The following QTMAN variants were observed in gnomAD, a reference collection of about 807,000 sequenced individuals.
The protein encoded by QTMAN is tRNA-queuosine alpha-mannosyltransferase.
At chr2:144,127,484 T>C in the QTMAN span, among the ~76,000 whole-genome samples, 2 of 152,046 alleles carry the variant, frequency 1.3e-5, no homozygotes, top group Admixed American at 6.6e-5. Flanking sequence ...AAGAACACAC[T>C]GACAAAACAT....
the QTMAN span, among the ~76,000 whole-genome samples, chr2:144,133,734 AATCT>A: frequency 6.7e-6 from 1 of 150,138 alleles, no homozygotes; most frequent in Admixed American, 6.7e-5. Context: ...ACATTAGAAT[AATCT>A]ATCAAAAGTT....
chr2:144,273,633 C>T, the QTMAN span, among the ~76,000 whole-genome samples: 20 of 152,170 alleles, frequency 1.3e-4, no homozygotes, highest in African/African-American at 4.6e-4. Context: ...GAACACACAC[C>T]AATGCTGAAA....
the QTMAN span, among the ~76,000 whole-genome samples, chr2:143,958,530 T>C: frequency 6.6e-6 from 1 of 152,114 alleles, no homozygotes; most frequent in East Asian, 1.9e-4. Flanking sequence ...TCAACCTAAA[T>C]TGAGTGCAGT....
the QTMAN span, among the ~76,000 whole-genome samples, chr2:143,971,468 T>A: frequency 1.3e-4 from 20 of 152,290 alleles, no homozygotes; most frequent in Admixed American, 7.2e-4. Context: ...ATGGATTATT[T>A]TTTTTTGTTT....
chr2:144,160,089 G>A, the QTMAN span, among the ~76,000 whole-genome samples: 2 of 152,092 alleles, frequency 1.3e-5, no homozygotes, highest in African/African-American at 4.8e-5. Flanking sequence ...AAAGTCTGAA[G>A]AAATGTAGTA....
At chr2:144,199,360 T>A in the QTMAN span, among the ~76,000 whole-genome samples, 7 of 152,192 alleles carry the variant, frequency 4.6e-5, no homozygotes, top group Admixed American at 1.3e-4. Context: ...TCTACTGAAC[T>A]TCTTTAGTGA....
chr2:144,295,815 T>A, the QTMAN span, among the ~76,000 whole-genome samples: 1 of 151,994 alleles, frequency 6.6e-6, no homozygotes, highest in Admixed American at 6.6e-5. Context: ...GATCTCACTA[T>A]GTTGCCCAGG....
the QTMAN span, chr2:144,317,431 A>AAGGG: frequency 5.9e-5 from 9 of 151,718 alleles, no homozygotes; most frequent in Middle Eastern, 3.4e-3. Context: ...GGAAGGAAGG[A>AAGGG]AGGGACAATA....
At chr2:144,282,746 G>A in the QTMAN span, among the ~76,000 whole-genome samples, 3 of 151,926 alleles carry the variant, frequency 2.0e-5, no homozygotes, top group East Asian at 1.9e-4. Context: ...TTTTTCTAAT[G>A]AGGCAACTCT....
At chr2:144,254,255 C>T in the QTMAN span, among the ~76,000 whole-genome samples, 1 of 152,154 alleles carries the variant, frequency 6.6e-6, no homozygotes, top group Non-Finnish European at 1.5e-5. Flanking sequence ...AACCCCATCT[C>T]TACTAAAAAT....
chr2:144,075,443 C>T, the QTMAN span, among the ~76,000 whole-genome samples: 1 of 152,154 alleles, frequency 6.6e-6, no homozygotes, highest in Non-Finnish European at 1.5e-5. Context: ...CAAGTATTGG[C>T]TCCTTGGATG....
chr2:144,240,278 T>C, the QTMAN span, among the ~76,000 whole-genome samples: 1 of 152,256 alleles, frequency 6.6e-6, no homozygotes, highest in East Asian at 1.9e-4. Flanking sequence ...ATTTATAATT[T>C]CATTGCTTAA....
At chr2:144,053,186 A>C in the QTMAN span, among the ~76,000 whole-genome samples, 1 of 152,268 alleles carries the variant, frequency 6.6e-6, no homozygotes, top group South Asian at 2.1e-4. Flanking sequence ...AACATTAAAA[A>C]GAACTACCCA....
the QTMAN span, among the ~76,000 whole-genome samples, chr2:144,068,967 T>A: frequency 6.6e-6 from 1 of 152,144 alleles, no homozygotes; most frequent in Non-Finnish European, 1.5e-5. Flanking sequence ...AATATAGCGG[T>A]TTATCTTTGA....
At chr2:144,062,334 G>A in the QTMAN span, among the ~76,000 whole-genome samples, 1 of 152,178 alleles carries the variant, frequency 6.6e-6, no homozygotes, top group African/African-American at 2.4e-5. Context: ...AGAGGTCCAG[G>A]GAATTCTCCT....
chr2:144,034,712 G>C, the QTMAN span, among the ~76,000 whole-genome samples: 3 of 151,998 alleles, frequency 2.0e-5, no homozygotes, highest in Admixed American at 2.0e-4. Context: ...TTTCATTCTT[G>C]AGTGGAGTTC....
chr2:144,306,950 A>C, the QTMAN span, among the ~76,000 whole-genome samples: 1 of 151,860 alleles, frequency 6.6e-6, no homozygotes, highest in African/African-American at 2.4e-5. Context: ...TCACCAGGTC[A>C]GGAGTTCGAG....
At chr2:144,101,956 A>G in the QTMAN span, among the ~76,000 whole-genome samples, 1 of 152,186 alleles carries the variant, frequency 6.6e-6, no homozygotes. Flanking sequence ...TTTCTTGAGC[A>G]TCTACCATAT....
At chr2:144,191,693 G>C in the QTMAN span, among the ~76,000 whole-genome samples, 1 of 152,102 alleles carries the variant, frequency 6.6e-6, no homozygotes, top group Admixed American at 6.6e-5. Flanking sequence ...ACGGAACTTA[G>C]ATATAATAAA....
Sources: gnomAD v4.1 joint callset for allele counts (sites outside exome capture counted in the v4.1 genomes callset) on GRCh38, gnomAD v4.1.1 for gene constraint, MANE v1.5 for transcripts, NCBI Gene and HGNC (gene_info 2026-07-23, HGNC 2026-07-21) for gene names.